The following PDCD4 variants were observed in gnomAD, a reference collection of about 807,000 sequenced individuals.
PDCD4 encodes programmed cell death 4.
Under a neutral mutation model 54.0 loss-of-function variants are expected in PDCD4, and 56 were observed. The ratio of observed to expected loss-of-function variants is 1.04; its 90% CI spans 0.84 to 1.30. The LOEUF is 1.30. Ranked by LOEUF, PDCD4 falls within the 50% of genes most tolerant of loss-of-function variation. The probability of loss-of-function intolerance (pLI) is 0.00; values close to 1 mark genes in which losing one functional copy is unlikely to be tolerated. For synonymous variants in PDCD4, 186 were observed against 194.8 expected (o/e 0.95, Z 0.37); for missense variants, 584 against 559.8 (o/e 1.04, Z -0.44).
chr10:110,879,997 G>C (rs893951205), intron 2 of PDCD4, among the ~76,000 whole-genome samples: 10 of 152,182 alleles, frequency 6.6e-5, no homozygotes, highest in Non-Finnish European at 1.2e-4. Flanking sequence ...TAGGCATATA[G>C]AAAATGATTT....
rs200104911 is a variant in PDCD4, at chr10:110,895,930, G to A, written c.1210-18G>A. 32 of 1,543,182 alleles carry A rather than the reference G, an allele frequency of 2.1e-5. No individual in the cohort carries two copies. The African/African-American group carries it at 4.2e-4, about 20-fold the overall frequency. ...TTTATATGGGCTAACAATTCTGCAT[G>A]TAATTTCATTGTTGTAGGGTTATGA... On this transcript the variant is annotated intron_variant, in intron 10 of 11. Transcript: ENST00000280154.
chr10:110,897,945 A>T, intron 11 of PDCD4, 83 bp from the exon 12 acceptor site: 1 of 983,600 alleles, frequency 1.0e-6, no homozygotes, highest in Admixed American at 2.6e-5. Flanking sequence ...TAACGAAAAA[A>T]TACCAAGTTT....
Position 110,889,610 on chromosome 10 carries a change from T to C in PDCD4, c.855T>C (p.Thr285=), listed in dbSNP as rs199701059. The C allele has an allele frequency of 6.3e-7, 1 of 1,591,448 alleles. No individual in the cohort carries two copies. Among genetic ancestry groups the C allele is most frequent in the Admixed American group, 1.7e-5 (1 of 59,784 alleles). ...CCTATATTGATAGTTACAAAGGAAC[T>C]GTAGATTGTGTGCAGGCTAGGTAAG... The part of the protein sequence containing the change: ...CNTYIDSYKG[T]VDCVQARAAL... Residue 285 remains threonine (T), a synonymous_variant, in exon 7 of 12, where the codon ACT becomes ACC. Coordinates refer to ENST00000280154, the MANE Select transcript of PDCD4 (RefSeq NM_014456.5).
At chr10:110,887,644 T>G (rs770611814) in intron 5 of PDCD4, 21 bp from the exon 6 acceptor site, 36 of 1,560,930 alleles carry the variant, frequency 2.3e-5, no homozygotes, top group Non-Finnish European at 3.2e-5. Context: ...TAAAATGTTT[T>G]TAAATTATTT....
intron 1 of PDCD4, among the ~76,000 whole-genome samples, chr10:110,873,903 C>T (rs1219829865): frequency 2.0e-5 from 3 of 152,080 alleles, no homozygotes; most frequent in Non-Finnish European, 2.9e-5. Context: ...TTTTGTCTGA[C>T]GGAATGCCTT....
chr10:110,889,756 A>G lies in PDCD4; in HGVS notation c.875+126A>G, dbSNP rs1744281497. 2.0e-5 allele frequency: 13 copies of G among 645,498 alleles called. No individual in the cohort carries two copies. The South Asian group carries it at 2.5e-4, about 12-fold the overall frequency. The allele number at this position is 645,498 out of a possible 1,614,324, so 40.0% of individuals were successfully genotyped here. A position where few individuals can be genotyped will look rare whatever the true frequency, so the allele number is the denominator to read the frequency against. On this transcript the variant is annotated intron_variant, in intron 7 of 11. Transcript: ENST00000280154. ...TGTTTGTCACTTCTCTATATTCTCC[A>G]CTGTTAAAATGGAGAGACTATTGGC...
chr10:110,875,374 ATAT>A (rs1191045646), intron 1 of PDCD4, among the ~76,000 whole-genome samples: 1 of 152,150 alleles, frequency 6.6e-6, no homozygotes, highest in East Asian at 1.9e-4. Flanking sequence ...CATATAAATA[ATAT>A]TATCAAAAAA....
chr10:110,876,223 C>T (rs1845502283), intron 2 of PDCD4, among the ~76,000 whole-genome samples, 153 bp downstream of exon 2: 1 of 152,104 alleles, frequency 6.6e-6, no homozygotes, highest in Admixed American at 6.5e-5. Flanking sequence ...GCCTCCTCAG[C>T]AGCTGGGACA....
At chr10:110,872,902 C>A (rs866363467) in intron 1 of PDCD4, among the ~76,000 whole-genome samples, 1 of 152,192 alleles carries the variant, frequency 6.6e-6, no homozygotes, top group Admixed American at 6.5e-5. Context: ...TCGCCCCCCT[C>A]CCCCTTGTGA....
At chr10:110,886,203 A>G (rs1279918663) in intron 5 of PDCD4, among the ~76,000 whole-genome samples, 1 of 152,212 alleles carries the variant, frequency 6.6e-6, no homozygotes. Flanking sequence ...TCTGTTATAG[A>G]GGAAAAGTTT....
chr10:110,877,358 C>A (rs542901667), intron 2 of PDCD4, among the ~76,000 whole-genome samples: 1 of 152,282 alleles, frequency 6.6e-6, no homozygotes, highest in African/African-American at 2.4e-5. Context: ...GGCGTGTGCA[C>A]CACTGTGCTT....
At chr10:110,894,691 A>G (rs749501297) in intron 10 of PDCD4, among the ~76,000 whole-genome samples, 169 bp downstream of exon 10, 6 of 148,736 alleles carry the variant, frequency 4.0e-5, no homozygotes, top group Non-Finnish European at 7.4e-5. Flanking sequence ...ACCTTTTGCA[A>G]CCATTTTTTG....
rs1435285762 is a variant in PDCD4, at chr10:110,890,556, A to T, written c.876A>T (p.Arg292Ser). 2 of 1,597,692 alleles carry T rather than the reference A, an allele frequency of 1.3e-6. No individual in the cohort carries two copies. The highest frequency in any genetic ancestry group is 4.5e-5 in the East Asian group (2 of 44,592). The change falls in exon 8 of 12, where the codon AGA becomes AGT. Residue 292 changes from arginine to serine, a missense_variant and splice_region_variant. Coordinates refer to ENST00000280154, the MANE Select transcript of PDCD4 (RefSeq NM_014456.5). Reference protein sequence around the residue: ...YKGTVDCVQARAALDKATVLL... With the variant: ...YKGTVDCVQASAALDKATVLL... ...CTTAAATTTTTTTCTTTCTCTGTAGAGCTGCTCTGGATAAGGCTACCGTGC... is the reference window on the plus strand; with the variant it reads ...CTTAAATTTTTTTCTTTCTCTGTAGTGCTGCTCTGGATAAGGCTACCGTGC...
Sources: gnomAD v4.1 joint callset for allele counts (sites outside exome capture counted in the v4.1 genomes callset) on GRCh38, gnomAD v4.1.1 for gene constraint, MANE v1.5 for transcripts, NCBI Gene and HGNC (gene_info 2026-07-23, HGNC 2026-07-21) for gene names.